The following SMAD2 variants were observed in gnomAD, a reference collection of about 807,000 sequenced individuals.
The protein encoded by SMAD2 is MAD homolog 2.
In SMAD2, 8 loss-of-function variants were observed where a neutral mutation model predicts 64.4. The observed-to-expected ratio is 0.12, with a 90% confidence interval of 0.07 to 0.22. The LOEUF (loss-of-function observed/expected upper bound fraction) is 0.22. Ranked by LOEUF, SMAD2 falls within the 10% of genes least tolerant of loss-of-function variation. The probability of loss-of-function intolerance (pLI) is 1.00; values close to 1 mark genes in which losing one functional copy is unlikely to be tolerated. For synonymous variants in SMAD2, 203 were observed against 195.8 expected (o/e 1.04, Z -0.31); for missense variants, 289 against 561.2 (o/e 0.51, Z 4.90).
chr18:47,881,869 GTTTT>G (rs748654045), intron 2 of SMAD2, among the ~76,000 whole-genome samples: 1 of 151,832 alleles, frequency 6.6e-6, no homozygotes, highest in Non-Finnish European at 1.5e-5. Context: ...AAATTACATA[GTTTT>G]TTTGTTTGTT....
chr18:47,920,256 A>G (rs1017889162), intron 1 of SMAD2: 3 of 152,338 alleles, frequency 2.0e-5, no homozygotes, highest in East Asian at 1.9e-4. Context: ...CCTGACCTCA[A>G]TATCTCCCAA....
chr18:47,910,112 C>T (rs959140953), intron 1 of SMAD2, among the ~76,000 whole-genome samples: 2 of 151,384 alleles, frequency 1.3e-5, no homozygotes, highest in African/African-American at 2.4e-5. Context: ...CAGATGTGCC[C>T]GACTTCACAG....
intron 2 of SMAD2, among the ~76,000 whole-genome samples, chr18:47,887,523 G>C (rs1037558047): frequency 6.6e-6 from 1 of 152,174 alleles, no homozygotes; most frequent in African/African-American, 2.4e-5. Context: ...TCTCAGGCTT[G>C]TCTGCTTGGA....
At chr18:47,868,595 T>TA in intron 4 of SMAD2, 138 bp from the exon 5 acceptor site, 1 of 672,366 alleles carries the variant, frequency 1.5e-6, no homozygotes. Context: ...ATATACTAGT[T>TA]ACTGAGAAAA....
intron 8 of SMAD2, 63 bp from the exon 9 acceptor site, chr18:47,845,863 G>T: frequency 1.4e-6 from 2 of 1,463,120 alleles, no homozygotes; most frequent in Non-Finnish European, 9.6e-7. Flanking sequence ...GACTTTGGAA[G>T]CATTTTCTTG....
At chr18:47,910,101 C>A (rs2034065826) in intron 1 of SMAD2, among the ~76,000 whole-genome samples, 9 of 151,414 alleles carry the variant, frequency 5.9e-5, no homozygotes, top group Admixed American at 5.9e-4. Context: ...AAAACAGTAT[C>A]CAGATGTGCC....
chr18:47,904,030 T>C (rs1401347941), intron 1 of SMAD2, among the ~76,000 whole-genome samples: 3 of 151,768 alleles, frequency 2.0e-5, no homozygotes, highest in African/African-American at 7.3e-5. Context: ...AATCCACATA[T>C]GGAAAGAAAA....
chr18:47,909,369 A>G (rs949542186), intron 1 of SMAD2, among the ~76,000 whole-genome samples: 4 of 152,222 alleles, frequency 2.6e-5, no homozygotes, highest in African/African-American at 7.2e-5. Context: ...AAATGTCAAG[A>G]TAACAGGAAA....
chr18:47,821,195 C>A lies in SMAD2; in HGVS notation c.*20632G>T, dbSNP rs1402843600. 2 of 152,146 alleles carry A rather than the reference C, an allele frequency of 1.3e-5. No homozygotes were observed. Among genetic ancestry groups the A allele is most frequent in the East Asian group, 3.8e-4 (2 of 5,198 alleles). 9.4% of individuals were successfully genotyped at this position (152,146 alleles called of 1,614,324 possible). A position where few individuals can be genotyped will look rare whatever the true frequency, so the allele number is the denominator to read the frequency against. On this transcript the variant is annotated 3_prime_UTR_variant, in exon 11 of 11. Transcript: ENST00000262160. ...CTTGAAGATCCTGATTTATATCTCA[C>A]AAGTTCAACCTTTGCTGTATCTTGC...
rs528020912 is a variant in SMAD2 at position 47,821,360 on chromosome 18, T to C, written c.*20467A>G. 1 of 152,328 alleles carries C rather than the reference T, an allele frequency of 6.6e-6. No homozygotes were observed. Among genetic ancestry groups the C allele is most frequent in the East Asian group, 1.9e-4 (1 of 5,182 alleles). 9.4% of individuals were successfully genotyped at this position (152,328 alleles called of 1,614,324 possible). ...ACTTTTTTCCTCTGGTTCTAACTCT[T>C]GCTGTTATAACTTGATACTGAAATG... On this transcript the variant is annotated 3_prime_UTR_variant, in exon 11 of 11. Coordinates refer to ENST00000262160, the MANE Select transcript of SMAD2 (RefSeq NM_005901.6).
At chr18:47,891,409 G>A (rs183711753) in intron 2 of SMAD2, among the ~76,000 whole-genome samples, 2 of 152,210 alleles carry the variant, frequency 1.3e-5, no homozygotes, top group Non-Finnish European at 2.9e-5. Context: ...CACTACAGAG[G>A]AAAACTGGGT....
Position 47,827,968 on chromosome 18 carries a change from G to A in SMAD2, c.*13859C>T, listed in dbSNP as rs1912821167. 5.8e-6 allele frequency: 1 copy of A among 171,862 alleles called. No homozygotes were observed. 10.6% of individuals were successfully genotyped at this position (171,862 alleles called of 1,614,324 possible). ...CGTCTGGGATGTGAGGAGCCCCTCA[G>A]CCCGGCCGCCCAGTCTGGGAAGTGA... On this transcript the variant is annotated 3_prime_UTR_variant, in exon 11 of 11. Transcript: ENST00000262160.
rs2144377571 is a variant in SMAD2, at chr18:47,869,256, T to C, written c.507A>G (p.Arg169=). 1 of 1,613,154 alleles carries C rather than the reference T, an allele frequency of 6.2e-7. No homozygotes were observed. The highest frequency in any genetic ancestry group is 1.1e-5 in the South Asian group (1 of 91,030). The change falls in exon 4 of 11, where the codon AGA becomes AGG. Residue 169 remains arginine, a synonymous_variant. Transcript: ENST00000262160. The part of the protein sequence containing the change: ...EVCVNPYHYQ[R]VETPVLPPVL... The stretch of plus-strand genomic sequence containing the variant: ...CAATATTCCTACCTGGTGTCTCAAC[T>C]CTCTGATAGTGGTAAGGGTTTACAC...
At chr18:47,869,580 A>C (rs2031808026) in intron 3 of SMAD2, 144 bp from the exon 4 acceptor site, 2 of 667,124 alleles carry the variant, frequency 3.0e-6, no homozygotes, top group Non-Finnish European at 5.2e-6. Flanking sequence ...AATCAAGAAC[A>C]AAAATGTACT....
At chr18:47,854,810 C>T (rs951191690) in intron 6 of SMAD2, among the ~76,000 whole-genome samples, 1 of 152,076 alleles carries the variant, frequency 6.6e-6, no homozygotes, top group African/African-American at 2.4e-5. Context: ...CTATAACATC[C>T]GCAAACCACA....
At chr18:47,919,793 CTT>C (rs199596970) in intron 1 of SMAD2, among the ~76,000 whole-genome samples, 2,017 of 152,258 alleles carry the variant, frequency 0.013, 11 homozygotes, top group African/African-American at 0.023. Flanking sequence ...TTGTACCACT[CTT>C]TACCAATATC....
In SMAD2 at chr18:47,866,572, G is replaced by A. The variant is rs139262299; in HGVS notation, c.656-1439C>T. ...GTTAAAGCTAATAAAGTTAAACGGC[G>A]CTAAGCTTTTTGAGTTTAACCTGTA... On this transcript the variant is annotated intron_variant, in intron 5 of 10. Transcript: ENST00000262160. Among the ~76,000 whole-genome samples the A allele has an allele frequency of 5.3e-5, 8 of 152,132 alleles. No homozygotes were observed. In the East Asian group the frequency reaches 7.7e-4, roughly 15 times the overall value.
chr18:47,909,606 G>A (rs1447243995), intron 1 of SMAD2, among the ~76,000 whole-genome samples: 2 of 152,148 alleles, frequency 1.3e-5, no homozygotes, highest in Non-Finnish European at 2.9e-5. Flanking sequence ...AATATGTCCA[G>A]GTTTATGATC....
In SMAD2 at chr18:47,868,409, A is replaced by C. The variant is rs774275037; in HGVS notation, c.569T>G (p.Leu190Arg). 6.2e-7 allele frequency: 1 copy of C among 1,611,256 alleles called. No individual in the cohort carries two copies. Among genetic ancestry groups the C allele is most frequent in the Non-Finnish European group, 8.5e-7 (1 of 1,177,598 alleles). ...VPRHTEILTELPPLDDYTHSI... is the reference protein window; with the variant it reads ...VPRHTEILTERPPLDDYTHSI... ...GTGAGTATAGTCATCCAGAGGCGGAAGTTCTGTTAGGATCTCGGTGTGTCG... is the reference window on the plus strand; with the variant it reads ...GTGAGTATAGTCATCCAGAGGCGGACGTTCTGTTAGGATCTCGGTGTGTCG... The change falls in exon 5 of 11, where the codon CTT (leucine) becomes CGT (arginine). Residue 190 changes from leucine (L) to arginine (R), a missense_variant. Physicochemically the swap from Leu to Arg is moderately radical, Grantham distance 102. Transcript: ENST00000262160.
Sources: gnomAD v4.1 joint callset for allele counts (sites outside exome capture counted in the v4.1 genomes callset) on GRCh38, gnomAD v4.1.1 for gene constraint, MANE v1.5 for transcripts, NCBI Gene and HGNC (gene_info 2026-07-23, HGNC 2026-07-21) for gene names.